GDA: variants seen among roughly 807,000 people sequenced by gnomAD.
GDA encodes guanine deaminase.
In GDA, 18 loss-of-function variants were observed where a neutral mutation model predicts 59.6. That is an observed-to-expected ratio of 0.30 (90% CI 0.21 to 0.45). The LOEUF (loss-of-function observed/expected upper bound fraction) is 0.45. GDA is among the 20% of genes least tolerant of loss of function. The pLI is 1.00. For missense variants in GDA, 427 were observed against 552.3 expected (o/e 0.77, Z 2.27); for synonymous variants, 201 against 201.1 (o/e 1.00, Z 0.00).
chr9:72,223,581 G>A (rs1016492426), intron 7 of GDA, among the ~76,000 whole-genome samples: 3 of 152,092 alleles, frequency 2.0e-5, no homozygotes, highest in Middle Eastern at 3.2e-3. Flanking sequence ...TCTTTCACTT[G>A]ATACTTTCTC....
At chr9:72,210,886 T>C in intron 4 of GDA, 112 bp downstream of exon 4, 1 of 681,100 alleles carries the variant, frequency 1.5e-6, no homozygotes, top group Non-Finnish European at 2.6e-6. Flanking sequence ...TGCTAGAACA[T>C]GAGCATTACA....
intron 1 of GDA, among the ~76,000 whole-genome samples, chr9:72,177,942 C>T (rs1422943572): frequency 6.6e-5 from 10 of 152,148 alleles, no homozygotes; most frequent in African/African-American, 1.2e-4. Context: ...CATTTAGGTC[C>T]GATTCCCACC....
At chr9:72,136,703 C>T (rs368144167) in intron 1 of GDA, among the ~76,000 whole-genome samples, 6 of 152,108 alleles carry the variant, frequency 3.9e-5, no homozygotes, top group African/African-American at 7.2e-5. Flanking sequence ...AGGCTGGGCA[C>T]GGTGGCTTAT....
intron 1 of GDA, among the ~76,000 whole-genome samples, chr9:72,158,501 G>A (rs565640082): frequency 2.0e-5 from 3 of 151,904 alleles, no homozygotes; most frequent in African/African-American, 7.2e-5. Context: ...GCTGAGGCAG[G>A]AGAATCCCTT....
At chr9:72,125,068 A>T (rs1391551919) in intron 1 of GDA, among the ~76,000 whole-genome samples, 1 of 152,182 alleles carries the variant, frequency 6.6e-6, no homozygotes, top group Non-Finnish European at 1.5e-5. Flanking sequence ...GACTCAAAGG[A>T]TTCTTTATTA....
intron 2 of GDA, among the ~76,000 whole-genome samples, chr9:72,195,957 A>C (rs1833127536): frequency 6.6e-6 from 1 of 152,170 alleles, no homozygotes; most frequent in Non-Finnish European, 1.5e-5. Flanking sequence ...GCATGACCAT[A>C]GTAGATTGTG....
At chr9:72,184,990 TGAA>T (rs1174069242) in intron 1 of GDA, among the ~76,000 whole-genome samples, 2 of 151,856 alleles carry the variant, frequency 1.3e-5, no homozygotes, top group Non-Finnish European at 2.9e-5. Context: ...TGAAAAAAAG[TGAA>T]GAAGAAGAGG....
intron 1 of GDA, among the ~76,000 whole-genome samples, chr9:72,172,025 G>T (rs776097118): frequency 1.3e-5 from 2 of 152,088 alleles, no homozygotes; most frequent in Non-Finnish European, 2.9e-5. Flanking sequence ...AATGTTACAC[G>T]GCAAATAGAG....
At chr9:72,166,706 A>G (rs77629698) in intron 1 of GDA, among the ~76,000 whole-genome samples, 2,145 of 152,294 alleles carry the variant, frequency 0.014, 42 homozygotes, top group African/African-American at 0.048. Context: ...AAACTTATGT[A>G]TCAATTTATA....
At chr9:72,117,757 T>C (rs961241024) in intron 1 of GDA, among the ~76,000 whole-genome samples, 8 of 152,134 alleles carry the variant, frequency 5.3e-5, no homozygotes, top group Non-Finnish European at 1.2e-4. Context: ...CACCTCCCAA[T>C]TGGCGAGGAG....
At chr9:72,159,409 G>GA (rs968820685) in intron 1 of GDA, among the ~76,000 whole-genome samples, 62 of 149,532 alleles carry the variant, frequency 4.1e-4, no homozygotes, top group African/African-American at 1.2e-3. Context: ...AAGAAAAAGA[G>GA]AAAAAAAAAT....
intron 1 of GDA, among the ~76,000 whole-genome samples, chr9:72,158,326 G>C (rs1828179421): frequency 6.6e-6 from 1 of 152,138 alleles, no homozygotes; most frequent in Non-Finnish European, 1.5e-5. Flanking sequence ...GGGTACAGTG[G>C]CCCGCACCTG....
intron 1 of GDA, among the ~76,000 whole-genome samples, chr9:72,170,522 G>A (rs552500341): frequency 6.6e-6 from 1 of 152,294 alleles, no homozygotes; most frequent in Admixed American, 6.5e-5. Flanking sequence ...AGAGTTGTGT[G>A]ATCATGGGCT....
At chr9:72,219,732 C>T (rs1836612509) in intron 6 of GDA, among the ~76,000 whole-genome samples, 1 of 152,154 alleles carries the variant, frequency 6.6e-6, no homozygotes, top group South Asian at 2.1e-4. Flanking sequence ...AAAATTGAAT[C>T]CACTCAAGGT....
intron 1 of GDA, among the ~76,000 whole-genome samples, chr9:72,181,169 G>A (rs1162050389): frequency 6.6e-6 from 1 of 151,944 alleles, no homozygotes; most frequent in Non-Finnish European, 1.5e-5. Flanking sequence ...TTAACTCATT[G>A]GGTAAAGAAA....
intron 1 of GDA, among the ~76,000 whole-genome samples, chr9:72,139,881 G>T (rs944162988): frequency 6.6e-6 from 1 of 152,014 alleles, no homozygotes; most frequent in Admixed American, 6.6e-5. Flanking sequence ...ATATTTATGC[G>T]GGTTATATTT....
intron 1 of GDA, among the ~76,000 whole-genome samples, chr9:72,181,505 A>C (rs1311943791): frequency 6.6e-6 from 1 of 152,166 alleles, no homozygotes; most frequent in Non-Finnish European, 1.5e-5. Context: ...TTGTATTTTT[A>C]GTAGAGACGG....
rs1840574438 is a variant in GDA at position 72,250,483 on chromosome 9, AG to A, written c.*2143del. On this transcript the variant is annotated 3_prime_UTR_variant, in exon 14 of 14. Coordinates refer to ENST00000358399, the MANE Select transcript of GDA (RefSeq NM_004293.5). ...CCTGAATATCTTTCCTAGTAAAAAT[AG>A]GATGTGTTGAAATATTTATATGTAC... 1 of 1,340,178 alleles carries A rather than the reference AG, an allele frequency of 7.5e-7. No individual in the cohort carries two copies. Among genetic ancestry groups the A allele is most frequent in the South Asian group, 1.7e-5 (1 of 59,382 alleles). The allele number at this position is 1,340,178 out of a possible 1,614,324, so 83.0% of individuals were successfully genotyped here. A position where few individuals can be genotyped will look rare whatever the true frequency, so the allele number is the denominator to read the frequency against.
At chr9:72,245,089 G>A in intron 11 of GDA, 59 bp from the exon 12 acceptor site, 1 of 1,539,062 alleles carries the variant, frequency 6.5e-7, no homozygotes, top group Non-Finnish European at 8.9e-7. Context: ...TACAAACTGA[G>A]ACATTAGTGT....
Sources: gnomAD v4.1 joint callset for allele counts (sites outside exome capture counted in the v4.1 genomes callset) on GRCh38, gnomAD v4.1.1 for gene constraint, MANE v1.5 for transcripts, NCBI Gene and HGNC (gene_info 2026-07-23, HGNC 2026-07-21) for gene names.